Variants in PARL observed in about 807,000 individuals in gnomAD.
PARL encodes presenilin associated rhomboid like.
PARL carries 44 observed loss-of-function variants against 51.6 expected under a neutral mutation model. The ratio of observed to expected loss-of-function variants is 0.85; its 90% CI spans 0.67 to 1.10. PARL has a LOEUF of 1.10. Among genes scored for constraint, PARL ranks in the 50% least tolerant of loss-of-function variants. The pLI is 0.00. For missense variants in PARL, 441 were observed against 469.5 expected, an observed-to-expected ratio of 0.94 and a Z score of 0.56; for synonymous variants, 172 against 164.0, an observed-to-expected ratio of 1.05 and a Z score of -0.37.
intron 7 of PARL, among the ~76,000 whole-genome samples, chr3:183,838,077 A>T (rs1049001212): frequency 6.6e-6 from 1 of 151,058 alleles, no homozygotes; most frequent in Middle Eastern, 3.5e-3. Context: ...GTTGGAGCAC[A>T]GTGGCATGCT....
At chr3:183,854,358 G>C (rs548929508) in intron 4 of PARL, among the ~76,000 whole-genome samples, 224 of 152,262 alleles carry the variant, frequency 1.5e-3, no homozygotes, top group Non-Finnish European at 2.8e-3. Flanking sequence ...ATCAATAGGT[G>C]AATGGATAAA....
chr3:183,829,154 T>C (rs1006192654), downstream of PARL: 11 of 182,508 alleles, frequency 6.0e-5, no homozygotes, highest in Non-Finnish European at 1.3e-4. Flanking sequence ...TTATTTCAGA[T>C]TGTGCTGGAG....
rs1416817957 is a variant in PARL at position 183,862,758 on chromosome 3, A to G, written c.506T>C (p.Val169Ala). 2 of 1,613,162 alleles carry G rather than the reference A, an allele frequency of 1.2e-6. No individual in the cohort carries two copies. The highest frequency in any genetic ancestry group is 2.7e-5 in the African/African-American group (2 of 74,926). Residue 169 changes from valine (V) to alanine (A), a missense_variant, in exon 4 of 10, where the codon GTG becomes GCG. Transcript: ENST00000317096. ...WNNLSDGQRT[V>A]TGIIAANVLV... is the part of the protein sequence containing the mutation. ...ACGTGTAAGCTAACACAAACCTGTCACAGTCCGCTGGCCATCACTTAGGTT... is the reference window on the plus strand; with the variant it reads ...ACGTGTAAGCTAACACAAACCTGTCGCAGTCCGCTGGCCATCACTTAGGTT...
chr3:183,872,497 T>C (rs189436222), intron 1 of PARL, among the ~76,000 whole-genome samples: 1 of 152,370 alleles, frequency 6.6e-6, no homozygotes, highest in East Asian at 1.9e-4. Flanking sequence ...TGGAAAGTTA[T>C]AAACTTATGC....
chr3:183,827,091 G>T (rs113810120), downstream of PARL, among the ~76,000 whole-genome samples: 1 of 152,026 alleles, frequency 6.6e-6, no homozygotes, highest in African/African-American at 2.4e-5. Flanking sequence ...TGTAGGTCAC[G>T]GGGGAGGAGG....
rs140162683 is a variant in PARL, at chr3:183,872,247, C to T, written c.126-4187G>A. 2.7e-4 allele frequency among the ~76,000 whole-genome samples: 41 copies of T among 152,284 alleles called. No homozygotes were observed. In the East Asian group the frequency reaches 4.2e-3, roughly 16 times the overall value. The stretch of plus-strand genomic sequence containing the variant: ...GAACTCCTGACCTCAGATGATCCAC[C>T]CGCCTCGGCCTCCCAAAGTGCTGGG... On this transcript the variant is annotated intron_variant, in intron 1 of 9. Coordinates refer to ENST00000317096, the MANE Select transcript of PARL (RefSeq NM_018622.7).
chr3:183,877,253 G>C (rs949220431), intron 1 of PARL, among the ~76,000 whole-genome samples: 1 of 152,138 alleles, frequency 6.6e-6, no homozygotes, highest in African/African-American at 2.4e-5. Context: ...AATTAGAAGT[G>C]GAGCCTGAAG....
intron 3 of PARL, among the ~76,000 whole-genome samples, chr3:183,864,644 C>T (rs1465119965): frequency 2.6e-5 from 4 of 151,760 alleles, no homozygotes; most frequent in Non-Finnish European, 5.9e-5. Context: ...GGCGTGGTGG[C>T]GGGCACCTGT....
intron 1 of PARL, among the ~76,000 whole-genome samples, chr3:183,872,022 AT>A (rs1733275294): frequency 7.5e-6 from 1 of 132,480 alleles, no homozygotes; most frequent in South Asian, 2.3e-4. Context: ...TTTTTTTGAG[AT>A]GGAGTTTCGC....
chr3:183,848,019 C>T (rs1730153790), intron 4 of PARL, among the ~76,000 whole-genome samples: 1 of 152,192 alleles, frequency 6.6e-6, no homozygotes, highest in Non-Finnish European at 1.5e-5. Flanking sequence ...CCTACCCTCA[C>T]ACCTGTGTAA....
chr3:183,848,699 G>C (rs532042717), intron 4 of PARL, among the ~76,000 whole-genome samples: 5 of 152,266 alleles, frequency 3.3e-5, no homozygotes, highest in African/African-American at 1.2e-4. Context: ...ACCTGACTGG[G>C]AGCTCCCCAA....
chr3:183,875,993 GC>G (rs1176878484), intron 1 of PARL, among the ~76,000 whole-genome samples: 3 of 152,058 alleles, frequency 2.0e-5, no homozygotes, highest in Non-Finnish European at 4.4e-5. Flanking sequence ...GAACAACAAA[GC>G]CTAGATTACA....
chr3:183,868,806 C>T (rs1732835987), intron 1 of PARL, among the ~76,000 whole-genome samples: 1 of 152,192 alleles, frequency 6.6e-6, no homozygotes, highest in African/African-American at 2.4e-5. Context: ...GAAGCCACTC[C>T]AAATTCAATA....
At chr3:183,837,665 C>T (rs914446266) in intron 7 of PARL, among the ~76,000 whole-genome samples, 2 of 152,140 alleles carry the variant, frequency 1.3e-5, no homozygotes, top group Non-Finnish European at 2.9e-5. Flanking sequence ...CGAGTCACGG[C>T]ACCCCCTCTC....
intron 5 of PARL, 137 bp downstream of exon 5, chr3:183,844,094 G>A (rs1729665262): frequency 1.4e-6 from 1 of 733,938 alleles, no homozygotes; most frequent in Non-Finnish European, 2.5e-6. Context: ...CAGTGAAGGA[G>A]CTTACAGCCT....
chr3:183,884,343 C>A (rs1734872915), intron 1 of PARL, among the ~76,000 whole-genome samples: 2 of 152,322 alleles, frequency 1.3e-5, no homozygotes, highest in Middle Eastern at 3.4e-3. Context: ...GGAACACAAC[C>A]TTTATAATTA....
Position 183,868,044 on chromosome 3 carries a change from G to A in PARL, c.142C>T (p.Gln48Ter), listed in dbSNP as rs1417590154. The change falls in exon 2 of 10, where the codon CAA becomes TAA. Residue 48 changes from glutamine (Q) to a stop codon, truncating the protein, a stop_gained. Transcript: ENST00000317096. LOFTEE classifies it high-confidence loss of function. ...GCTTTTCTGAATCCGCATTTTTGTT[G>A]AATAAAGAAGTTAAACCTATGGGGC... The part of the protein sequence containing the change: ...LLGRRFNFFI[Q>*]QKCGFRKAPR... The A allele has an allele frequency of 6.2e-7, 1 of 1,613,924 alleles. No individual in the cohort carries two copies. Among genetic ancestry groups the A allele is most frequent in the East Asian group, 2.2e-5 (1 of 44,868 alleles).
chr3:183,853,829 C>T (rs962338414), intron 4 of PARL, among the ~76,000 whole-genome samples: 1 of 152,168 alleles, frequency 6.6e-6, no homozygotes, highest in South Asian at 2.1e-4. Context: ...AAGACTTGAG[C>T]GCTGTTGGCG....
chr3:183,832,461 C>T (rs571414533), intron 9 of PARL, among the ~76,000 whole-genome samples: 62 of 152,152 alleles, frequency 4.1e-4, no homozygotes, highest in African/African-American at 1.3e-3. Context: ...CCTTGTGATC[C>T]GCCTGCCTTG....
Sources: allele counts gnomAD v4.1 joint callset (sites outside exome capture counted in the v4.1 genomes callset), GRCh38; gene constraint gnomAD v4.1.1; transcripts MANE v1.5; gene names NCBI Gene and HGNC (gene_info 2026-07-23, HGNC 2026-07-21).